The following PDE1C variants were observed in gnomAD, a reference collection of about 807,000 sequenced individuals.
PDE1C encodes dual specificity calcium/calmodulin-dependent 3',5'-cyclic nucleotide phosphodiesterase 1C.
A neutral mutation model predicts 93.1 loss-of-function variants in PDE1C; 62 were observed. The observed-to-expected ratio is 0.67, with a 90% CI of 0.54 to 0.82. The LOEUF (loss-of-function observed/expected upper bound fraction) is 0.82. PDE1C is among the 40% of genes least tolerant of loss of function. The pLI is 0.00. For missense variants in PDE1C, 742 were observed against 884.6 expected (o/e 0.84, Z 2.04); for synonymous variants, 325 against 310.1 (o/e 1.05, Z -0.50).
At chr7:32,018,940 A>T (rs895072965) in intron 2 of PDE1C, among the ~76,000 whole-genome samples, 7 of 152,208 alleles carry the variant, frequency 4.6e-5, no homozygotes, top group African/African-American at 7.2e-5. Flanking sequence ...GTAGAACAAC[A>T]GCTTGAAAAG....
the PDE1C span, among the ~76,000 whole-genome samples, chr7:31,727,108 A>G: frequency 6.6e-6 from 1 of 152,280 alleles, no homozygotes; most frequent in East Asian, 1.9e-4. Flanking sequence ...GGCAGCATCC[A>G]ATTCAGAACA....
intron 2 of PDE1C, among the ~76,000 whole-genome samples, chr7:31,951,773 G>C (rs1414333366): frequency 6.6e-6 from 1 of 152,120 alleles, no homozygotes; most frequent in Non-Finnish European, 1.5e-5. Context: ...GGGTAAACCC[G>C]GTGTGTGGGA....
At chr7:31,916,102 G>A (rs1268497799) in intron 2 of PDE1C, among the ~76,000 whole-genome samples, 2 of 151,998 alleles carry the variant, frequency 1.3e-5, no homozygotes, top group East Asian at 1.9e-4. Context: ...GAAGTGTGAG[G>A]GAAAGCCAGA....
At chr7:31,651,048 A>T in the PDE1C span, 2 of 1,409,952 alleles carry the variant, frequency 1.4e-6, no homozygotes, top group Non-Finnish European at 9.5e-7. Flanking sequence ...TTGCGAAAAA[A>T]GGGATCCCAA....
the PDE1C span, among the ~76,000 whole-genome samples, chr7:31,695,031 C>A: frequency 2.0e-5 from 3 of 152,056 alleles, no homozygotes; most frequent in South Asian, 6.2e-4. Flanking sequence ...CACTGAGGAC[C>A]GAGGGAACCT....
intron 2 of PDE1C, among the ~76,000 whole-genome samples, chr7:31,955,876 G>A (rs1474595513): frequency 6.6e-6 from 1 of 152,192 alleles, no homozygotes; most frequent in East Asian, 1.9e-4. Context: ...TCTTCTGTCT[G>A]CACTGTCTTC....
the PDE1C span, among the ~76,000 whole-genome samples, chr7:31,632,393 G>T: frequency 6.6e-6 from 1 of 152,152 alleles, no homozygotes; most frequent in Non-Finnish European, 1.5e-5. Context: ...GTTGCAATGA[G>T]CCGAGATTGT....
At chr7:32,207,394 A>G (rs761297875) in intron 2 of PDE1C, among the ~76,000 whole-genome samples, 2 of 152,148 alleles carry the variant, frequency 1.3e-5, no homozygotes, top group Middle Eastern at 6.8e-3. Context: ...AATCCTCCCA[A>G]TCTTCCCAAA....
In PDE1C at chr7:32,139,300, C is replaced by CTTTTTTT. The variant is rs34277412; in HGVS notation, c.308+30478_308+30484dup. Among the ~76,000 whole-genome samples, 79 of 82,960 alleles carry CTTTTTTT rather than the reference C, an allele frequency of 9.5e-4. 1 individual carries two copies. The highest frequency in any genetic ancestry group is 1.4e-3 in the Non-Finnish European group (61 of 45,040). The allele number at this position is 82,960 out of a possible 152,430, so 54.4% of individuals were successfully genotyped here. On this transcript the variant is annotated intron_variant, in intron 3 of 18. Transcript: ENST00000396193. The stretch of plus-strand genomic sequence containing the variant: ...ACAAGCAGGCAACACCAAAATCAAC[C>CTTTTTTT]TTTTTTTTTTTTTTTTTTTTTTTTT...
intron 1 of PDE1C, among the ~76,000 whole-genome samples, chr7:32,273,757 C>T (rs6952897): frequency 0.99 from 150,445 of 152,328 alleles, 74,328 homozygotes; most frequent in Middle Eastern, 1. Flanking sequence ...ACTGACTCAT[C>T]ACCAAAATCA....
intron 1 of PDE1C, chr7:32,427,785 G>A (rs1240427393): frequency 3.3e-5 from 5 of 152,298 alleles, no homozygotes; most frequent in African/African-American, 1.2e-4. Flanking sequence ...CCAGGCAGCA[G>A]CTCTGTGAGA....
At chr7:31,982,193 T>C (rs1812479568) in intron 2 of PDE1C, among the ~76,000 whole-genome samples, 1 of 152,212 alleles carries the variant, frequency 6.6e-6, no homozygotes, top group African/African-American at 2.4e-5. Context: ...ACCCCTGAGC[T>C]GGCAGCCATC....
At chr7:32,079,175 C>A (rs903429662) in intron 3 of PDE1C, among the ~76,000 whole-genome samples, 1 of 152,202 alleles carries the variant, frequency 6.6e-6, no homozygotes, top group Non-Finnish European at 1.5e-5. Flanking sequence ...TAAATTCATT[C>A]ATTCGTTCAA....
intron 16 of PDE1C, chr7:31,789,271 T>A (rs1435199290): frequency 6.6e-6 from 1 of 152,204 alleles, no homozygotes; most frequent in African/African-American, 2.4e-5. Context: ...CTACATCTAC[T>A]ATTCTTATTT....
intron 3 of PDE1C, among the ~76,000 whole-genome samples, chr7:31,880,448 T>C (rs999787966): frequency 4.1e-4 from 63 of 152,246 alleles, no homozygotes; most frequent in African/African-American, 1.5e-3. Context: ...TGGAGCTCTA[T>C]ATCTGATTTT....
At chr7:32,296,764 A>G (rs1812624996) in intron 1 of PDE1C, among the ~76,000 whole-genome samples, 1 of 152,224 alleles carries the variant, frequency 6.6e-6, no homozygotes, top group Non-Finnish European at 1.5e-5. Context: ...AGTCAAGAAA[A>G]CCAATTTAAC....
chr7:31,770,915 A>G (rs111936917), intron 17 of PDE1C, among the ~76,000 whole-genome samples: 124 of 152,092 alleles, frequency 8.2e-4, no homozygotes, highest in African/African-American at 3.0e-3. Context: ...TAACTTTTCC[A>G]CTGTGTTCTA....
At chr7:32,406,916 C>A (rs1310222578) in intron 1 of PDE1C, among the ~76,000 whole-genome samples, 1 of 152,140 alleles carries the variant, frequency 6.6e-6, no homozygotes, top group Non-Finnish European at 1.5e-5. Context: ...AACTTCCCAA[C>A]GATAGCAAGG....
intron 1 of PDE1C, among the ~76,000 whole-genome samples, chr7:32,221,265 A>G (rs1000952277): frequency 1.3e-5 from 2 of 152,252 alleles, no homozygotes; most frequent in African/African-American, 4.8e-5. Context: ...CACATTCTTC[A>G]ACCCCACTCA....
Sources: gnomAD v4.1 joint callset for allele counts (sites outside exome capture counted in the v4.1 genomes callset) on GRCh38, gnomAD v4.1.1 for gene constraint, MANE v1.5 for transcripts, NCBI Gene and HGNC (gene_info 2026-07-23, HGNC 2026-07-21) for gene names.